Variants in COL27A1 observed in about 807,000 individuals in gnomAD.
COL27A1 encodes collagen type XXVII alpha 1 chain.
COL27A1 carries 106 observed loss-of-function variants against 251.3 expected under a neutral mutation model. The ratio of observed to expected loss-of-function variants is 0.42; its 90% CI spans 0.36 to 0.50. The LOEUF (loss-of-function observed/expected upper bound fraction) is 0.50. COL27A1 is among the 20% of genes least tolerant of loss of function. The pLI, the probability that COL27A1 is intolerant of heterozygous loss-of-function variation, is 0.00. For missense variants in COL27A1, 2,325 were observed against 2,522.8 expected, an observed-to-expected ratio of 0.92 and a Z score of 1.68; for synonymous variants, 1,000 against 986.3, an observed-to-expected ratio of 1.01 and a Z score of -0.26.
chr9:114,167,653 C>G, intron 2 of COL27A1, 36 bp from the exon 3 acceptor site: 2 of 1,562,902 alleles, frequency 1.3e-6, no homozygotes, highest in Non-Finnish European at 1.7e-6. Flanking sequence ...GGAGCAGGCC[C>G]TGACTGCGTC....
intron 32 of COL27A1, 90 bp downstream of exon 32, chr9:114,265,565 A>T: frequency 7.4e-7 from 1 of 1,353,358 alleles, no homozygotes; most frequent in South Asian, 1.2e-5. Flanking sequence ...AGGGTTGGAA[A>T]GGGACCATGC....
intron 60 of COL27A1, among the ~76,000 whole-genome samples, chr9:114,309,795 T>C (rs958260356): frequency 4.7e-4 from 72 of 152,202 alleles, no homozygotes; most frequent in African/African-American, 1.7e-3. Flanking sequence ...GTCAGGCTAA[T>C]TTCTTCTCAT....
intron 2 of COL27A1, among the ~76,000 whole-genome samples, chr9:114,164,042 G>T (rs1315010626): frequency 6.6e-6 from 1 of 152,116 alleles, no homozygotes; most frequent in Non-Finnish European, 1.5e-5. Flanking sequence ...ACAAGCCTGG[G>T]AGGCCCCAGG....
At chr9:114,205,025 C>G (rs866616362) in intron 7 of COL27A1, 77 bp from the exon 8 acceptor site, 2 of 1,428,468 alleles carry the variant, frequency 1.4e-6, no homozygotes, top group African/African-American at 1.4e-5. Flanking sequence ...CAGGGCAGGC[C>G]GGGAGGCTGG....
At chr9:114,258,283 G>C (rs1029858292) in intron 27 of COL27A1, among the ~76,000 whole-genome samples, 1 of 152,150 alleles carries the variant, frequency 6.6e-6, no homozygotes, top group Non-Finnish European at 1.5e-5. Context: ...CCACTCCCCA[G>C]ACTCCCAGGA....
At chr9:114,232,794 C>T (rs1451543723) in intron 16 of COL27A1, among the ~76,000 whole-genome samples, 17 of 152,218 alleles carry the variant, frequency 1.1e-4, no homozygotes, top group Admixed American at 5.9e-4. Context: ...TTGCTTGGGC[C>T]GGGCACAGTG....
intron 44 of COL27A1, 79 bp downstream of exon 44, chr9:114,289,046 T>G (rs1166119928): frequency 1.3e-6 from 2 of 1,537,654 alleles, no homozygotes; most frequent in Non-Finnish European, 1.8e-6. Flanking sequence ...ACTAGGCCCT[T>G]TAAAGCTTAA....
rs190770493 is a variant in COL27A1, at chr9:114,167,786, G to T, written c.231G>T (p.Thr77=). ...CTTTCCAGTCGGGCTTCATCTTTAC[G>T]CAGCGGGCCCGGCTCCAGGCTCCCA... ...VIPFQSGFIF[T]QRARLQAPTG... is the part of the protein sequence containing the mutation. The change falls in exon 3 of 61, where the codon ACG becomes ACT. Residue 77 remains threonine (T), a synonymous_variant. Coordinates refer to ENST00000356083, the MANE Select transcript of COL27A1 (RefSeq NM_032888.4). The T allele has an allele frequency of 1.2e-6, 2 of 1,613,424 alleles. No homozygotes were observed. The highest frequency in any genetic ancestry group is 2.7e-5 in the African/African-American group (2 of 74,934).
chr9:114,247,254 T>C (rs1194136806), intron 24 of COL27A1, among the ~76,000 whole-genome samples: 1 of 152,098 alleles, frequency 6.6e-6, no homozygotes, highest in Non-Finnish European at 1.5e-5. Flanking sequence ...CAAGCCTTAG[T>C]GATGTATTTT....
intron 4 of COL27A1, 136 bp from the exon 5 acceptor site, chr9:114,182,886 G>T: frequency 2.6e-6 from 2 of 759,960 alleles, no homozygotes; most frequent in East Asian, 4.9e-5. Context: ...GAGTGGCCAC[G>T]ACAGTGTTGC....
chr9:114,168,397 C>T lies in COL27A1; in HGVS notation c.842C>T (p.Ser281Leu). 2 of 1,613,556 alleles carry T rather than the reference C, an allele frequency of 1.2e-6. No homozygotes were observed. The highest frequency in any genetic ancestry group is 1.7e-6 in the Non-Finnish European group (2 of 1,180,008). ...NLTTATPALG[S>L]LPAGRGPRGT... is the part of the protein sequence containing the mutation. The stretch of plus-strand genomic sequence containing the variant: ...ACCACTGCCACACCAGCCCTGGGGT[C>T]ACTGCCAGCAGGCAGGGGACCCAGG... Residue 281 changes from serine (S) to leucine (L), a missense_variant, in exon 3 of 61, where the codon TCA becomes TTA. Physicochemically the swap from Ser to Leu is moderately radical, Grantham distance 145. Around this residue, in one of 4 missense-constraint regions of COL27A1, gnomAD observed 1,183 missense variants for 1,144.1 expected, o/e 1.03. Transcript: ENST00000356083.
intron 36 of COL27A1, chr9:114,274,169 G>A (rs1319281095): frequency 6.6e-6 from 1 of 150,914 alleles, no homozygotes; most frequent in Non-Finnish European, 1.5e-5. Flanking sequence ...GGAGGTGGAG[G>A]TTGCAGTGAG....
At chr9:114,259,582 G>GA (rs1193408468) in intron 28 of COL27A1, among the ~76,000 whole-genome samples, 1 of 152,184 alleles carries the variant, frequency 6.6e-6, no homozygotes, top group Non-Finnish European at 1.5e-5. Context: ...TCCACTCCCA[G>GA]AGAGGCACAG....
At chr9:114,305,307 A>G (rs1828957609) in intron 57 of COL27A1, among the ~76,000 whole-genome samples, 1 of 152,198 alleles carries the variant, frequency 6.6e-6, no homozygotes, top group South Asian at 2.1e-4. Flanking sequence ...CTCACAGTCT[A>G]GGGTGGAGGA....
chr9:114,156,034 C>A (rs1848099202), intron 1 of COL27A1, 22 bp downstream of exon 1: 2 of 1,297,168 alleles, frequency 1.5e-6, no homozygotes, highest in East Asian at 5.6e-5. Flanking sequence ...CTCGGGGACG[C>A]CCCCTCCCTA....
intron 49 of COL27A1, among the ~76,000 whole-genome samples, chr9:114,295,051 G>A (rs193104113): frequency 6.6e-6 from 1 of 152,280 alleles, no homozygotes; most frequent in Non-Finnish European, 1.5e-5. Context: ...ATGCATAAAT[G>A]AATTGCATTT....
At chr9:114,201,475 C>T (rs1307293271) in intron 7 of COL27A1, among the ~76,000 whole-genome samples, 2 of 152,186 alleles carry the variant, frequency 1.3e-5, no homozygotes, top group East Asian at 3.9e-4. Flanking sequence ...TGGCTATGCT[C>T]GCTCTTCTGC....
intron 34 of COL27A1, among the ~76,000 whole-genome samples, chr9:114,267,980 C>T (rs1834862552): frequency 6.6e-6 from 1 of 152,178 alleles, no homozygotes; most frequent in Admixed American, 6.5e-5. Context: ...CTGGCTAGCC[C>T]GTGGACATTG....
At chr9:114,278,479 G>GTGGTGA (rs1835683271) in intron 37 of COL27A1, among the ~76,000 whole-genome samples, 1 of 145,472 alleles carries the variant, frequency 6.9e-6, no homozygotes, top group Non-Finnish European at 1.5e-5. Flanking sequence ...GATGGTGGTG[G>GTGGTGA]TGATAATGGT....
Sources: gnomAD v4.1 joint callset for allele counts (sites outside exome capture counted in the v4.1 genomes callset) on GRCh38, gnomAD v4.1.1 for gene constraint, gnomAD v4.1.1 regional missense constraint, MANE v1.5 for transcripts, NCBI Gene and HGNC (gene_info 2026-07-23, HGNC 2026-07-21) for gene names.